The following AQP9 variants were observed in gnomAD, a reference collection of about 807,000 sequenced individuals.
AQP9 encodes the protein aquaporin-9.
A neutral mutation model predicts 23.8 loss-of-function variants in AQP9; 19 were observed. That is an observed-to-expected ratio of 0.80 (90% confidence interval 0.56 to 1.17). AQP9 has a LOEUF of 1.17. Ranked by LOEUF, AQP9 falls within the 50% of genes most tolerant of loss-of-function variation. The probability of loss-of-function intolerance (pLI) is 0.00; values close to 1 mark genes in which losing one functional copy is unlikely to be tolerated. For synonymous variants in AQP9, 153 were observed against 131.5 expected (o/e 1.16, Z -1.12); for missense variants, 413 against 362.0 (o/e 1.14, Z -1.14).
In AQP9 at chr15:58,173,241, G is replaced by A. The variant is rs8030635; in HGVS notation, c.376+36G>A. 6.1e-3 allele frequency: 9,761 copies of A among 1,610,082 alleles called. 440 individuals are homozygous for A. The African/African-American group carries it at 0.1, about 17-fold the overall frequency. ...TCCCTGAGTCCTAAGGTTAGGAAGAGCTGGGCATAATTTGAAAGTCAGAAT... is the reference window on the plus strand; with the variant it reads ...TCCCTGAGTCCTAAGGTTAGGAAGAACTGGGCATAATTTGAAAGTCAGAAT... On this transcript the variant is annotated intron_variant, in intron 3 of 5. Coordinates refer to ENST00000219919, the MANE Select transcript of AQP9 (RefSeq NM_020980.5).
At chr15:58,177,239 T>A (rs973704690) in intron 4 of AQP9, among the ~76,000 whole-genome samples, 1 of 152,212 alleles carries the variant, frequency 6.6e-6, no homozygotes, top group Non-Finnish European at 1.5e-5. Context: ...TAATAATCAA[T>A]CATTTATTTA....
intron 1 of AQP9, 161 bp downstream of exon 1, chr15:58,138,837 A>G (rs1897903428): frequency 4.9e-6 from 3 of 615,656 alleles, no homozygotes; most frequent in Middle Eastern, 2.6e-4. Context: ...TTGACTATTT[A>G]GGGGTTGTGA....
chr15:58,182,874 G>C (rs1898923937), intron 5 of AQP9, among the ~76,000 whole-genome samples: 1 of 152,138 alleles, frequency 6.6e-6, no homozygotes, highest in African/African-American at 2.4e-5. Flanking sequence ...ATGGGGAATG[G>C]GGGTTTGATT....
intron 1 of AQP9, among the ~76,000 whole-genome samples, chr15:58,162,906 T>C (rs1472794479): frequency 6.6e-6 from 1 of 152,182 alleles, no homozygotes; most frequent in Non-Finnish European, 1.5e-5. Context: ...TGCTGATTCA[T>C]AATCAAAATA....
chr15:58,180,337 G>A (rs1158030720), intron 5 of AQP9, among the ~76,000 whole-genome samples: 2 of 152,180 alleles, frequency 1.3e-5, no homozygotes, highest in Admixed American at 1.3e-4. Context: ...TAGACATAGA[G>A]TCATCAGGGT....
At chr15:58,150,009 C>A (rs1443044409) in intron 1 of AQP9, among the ~76,000 whole-genome samples, 1 of 152,196 alleles carries the variant, frequency 6.6e-6, no homozygotes, top group Non-Finnish European at 1.5e-5. Flanking sequence ...TCTGCAAGGC[C>A]AGGAAATCAC....
rs374308288 is a variant in AQP9 at position 58,172,277 on chromosome 15, C to T, written c.239-791C>T. Among the ~76,000 whole-genome samples, 7 of 152,222 alleles carry T rather than the reference C, an allele frequency of 4.6e-5. No homozygotes were observed. The East Asian group carries it at 1.2e-3, about 25-fold the overall frequency. On this transcript the variant is annotated intron_variant, in intron 2 of 5. Coordinates refer to ENST00000219919, the MANE Select transcript of AQP9 (RefSeq NM_020980.5). The stretch of plus-strand genomic sequence containing the variant: ...CATTGGGTTCTTAAGAGGATCAAAT[C>T]CACCTACTAACCCTACAATGGTGTC...
chr15:58,147,397 A>T (rs1461427033), intron 1 of AQP9, among the ~76,000 whole-genome samples: 1 of 152,188 alleles, frequency 6.6e-6, no homozygotes, highest in Non-Finnish European at 1.5e-5. Flanking sequence ...TGGCTGAAGC[A>T]GTTCAACCGT....
chr15:58,156,680 C>T (rs530013756), intron 1 of AQP9, among the ~76,000 whole-genome samples: 1 of 152,292 alleles, frequency 6.6e-6, no homozygotes, highest in South Asian at 2.1e-4. Context: ...ATGACTTTCA[C>T]CTGGCAACCT....
chr15:58,173,147 G>A lies in AQP9; in HGVS notation c.318G>A (p.Val106=). 6.2e-7 allele frequency: 1 copy of A among 1,614,144 alleles called. No homozygotes were observed. ...RMKWFKLPFY[V]GAQFLGAFVG... Reference sequence around the variant, plus strand: ...AATGGTTCAAATTGCCATTTTATGTGGGAGCCCAGTTCTTGGGAGCCTTTG... The same window carrying A: ...AATGGTTCAAATTGCCATTTTATGTAGGAGCCCAGTTCTTGGGAGCCTTTG... The change falls in exon 3 of 6, where the codon GTG becomes GTA. Residue 106 remains valine (V), a synonymous_variant. Transcript: ENST00000219919.
At chr15:58,148,777 T>C (rs1412840678) in intron 1 of AQP9, among the ~76,000 whole-genome samples, 1 of 152,152 alleles carries the variant, frequency 6.6e-6, no homozygotes, top group Non-Finnish European at 1.5e-5. Flanking sequence ...CCAGTAGAGA[T>C]AGTGGAGTTC....
chr15:58,169,990 C>A (rs1376876963), intron 2 of AQP9, among the ~76,000 whole-genome samples: 2 of 152,180 alleles, frequency 1.3e-5, no homozygotes, highest in African/African-American at 4.8e-5. Context: ...CCTCTGCTCA[C>A]CTAAGACTTT....
intron 4 of AQP9, among the ~76,000 whole-genome samples, chr15:58,176,900 T>C (rs532061033): frequency 6.6e-6 from 1 of 152,302 alleles, no homozygotes. Context: ...CTGACCTGCA[T>C]ACCATATCCT....
chr15:58,153,371 A>G (rs1262756408), intron 1 of AQP9: 1 of 152,088 alleles, frequency 6.6e-6, no homozygotes, highest in Non-Finnish European at 1.5e-5. Context: ...CAGTTTTTCT[A>G]CTTATCTGCT....
In AQP9 at chr15:58,183,829, C is replaced by T. The variant is rs1178376407; in HGVS notation, c.714-132C>T. ...AGTTGCCATGCTGCACTGAGCCCCC[C>T]TTATACTTAGCTCTTGCTGAGTTAA... is the stretch of plus-strand genomic sequence containing the variant. On this transcript the variant is annotated intron_variant, in intron 5 of 5. Coordinates refer to ENST00000219919, the MANE Select transcript of AQP9 (RefSeq NM_020980.5). 20 of 1,005,126 alleles carry T rather than the reference C, an allele frequency of 2.0e-5. 2 individuals carry two copies. The South Asian group carries it at 3.1e-4, about 16-fold the overall frequency. The allele number at this position is 1,005,126 out of a possible 1,614,324, so 62.3% of individuals were successfully genotyped here.
chr15:58,148,308 G>C (rs1226564313), intron 1 of AQP9, among the ~76,000 whole-genome samples: 1 of 152,208 alleles, frequency 6.6e-6, no homozygotes. Context: ...GGAATTATCA[G>C]AGCCTTTAAT....
chr15:58,177,346 A>C (rs1342823456), intron 4 of AQP9, among the ~76,000 whole-genome samples: 4 of 152,188 alleles, frequency 2.6e-5, no homozygotes, highest in African/African-American at 7.2e-5. Flanking sequence ...TCTAACAAGT[A>C]AGTAGATACT....
intron 2 of AQP9, among the ~76,000 whole-genome samples, chr15:58,170,106 T>G (rs892276589): frequency 6.6e-6 from 1 of 152,188 alleles, no homozygotes; most frequent in African/African-American, 2.4e-5. Flanking sequence ...CAGGACTCTC[T>G]GACTCTAGTT....
chr15:58,143,975 A>G (rs573544181), intron 1 of AQP9, among the ~76,000 whole-genome samples: 13 of 152,336 alleles, frequency 8.5e-5, no homozygotes, highest in African/African-American at 3.1e-4. Flanking sequence ...CCCATTTATC[A>G]CATACTCAAC....
Sources: gnomAD v4.1 joint callset for allele counts (sites outside exome capture counted in the v4.1 genomes callset) on GRCh38, gnomAD v4.1.1 for gene constraint, MANE v1.5 for transcripts, NCBI Gene and HGNC (gene_info 2026-07-23, HGNC 2026-07-21) for gene names.